CPEB1: variants seen among roughly 807,000 people sequenced by gnomAD.
CPEB1 encodes cytoplasmic polyadenylation element-binding protein 1.
A neutral mutation model predicts 65.8 loss-of-function variants in CPEB1; 7 were observed. The ratio of observed to expected loss-of-function variants is 0.11; its 90% CI spans 0.06 to 0.20. The LOEUF (loss-of-function observed/expected upper bound fraction) is 0.20, where lower values mean the gene tolerates loss of function less well. CPEB1 is among the 10% of genes least tolerant of loss of function. The pLI, the probability that CPEB1 is intolerant of heterozygous loss-of-function variation, is 1.00. For synonymous variants in CPEB1, 262 were observed against 260.0 expected, an observed-to-expected ratio of 1.01 and a Z score of -0.08; for missense variants, 551 against 712.2, an observed-to-expected ratio of 0.77 and a Z score of 2.58.
intron 4 of CPEB1, 123 bp from the exon 5 acceptor site, chr15:82,558,109 C>G: frequency 1.5e-6 from 1 of 654,582 alleles, no homozygotes; most frequent in Non-Finnish European, 2.6e-6. Context: ...AGCATGCCAG[C>G]AAAACACAAT....
intron 3 of CPEB1, among the ~76,000 whole-genome samples, chr15:82,622,556 T>C (rs2151299032): frequency 6.6e-6 from 1 of 152,146 alleles, no homozygotes; most frequent in African/African-American, 2.4e-5. Flanking sequence ...CATGCCCGGT[T>C]AATTTTTCTA....
chr15:82,561,637 C>T (rs1434896165), intron 4 of CPEB1, among the ~76,000 whole-genome samples: 2 of 152,082 alleles, frequency 1.3e-5, no homozygotes, highest in African/African-American at 4.8e-5. Flanking sequence ...CACTACAGAC[C>T]CCTTTCCTCA....
In CPEB1 at chr15:82,592,971, T is replaced by C. The variant is rs187587299; in HGVS notation, c.272-21439A>G. Among the ~76,000 whole-genome samples the C allele has an allele frequency of 4.3e-3, 662 of 152,312 alleles. 3 individuals carry two copies. The highest frequency in any genetic ancestry group is 6.2e-3 in the Non-Finnish European group (422 of 68,026). ...AAGATTGCGCTGCTACACTCCATCC[T>C]GGACAACAGAGCGATACTCCGTCTC... On this transcript the variant is annotated intron_variant, in intron 3 of 12. Coordinates refer to ENST00000684509, the MANE Select transcript of CPEB1 (RefSeq NM_001365242.1).
chr15:82,631,524 T>G (rs2046244455), intron 1 of CPEB1, among the ~76,000 whole-genome samples: 1 of 152,222 alleles, frequency 6.6e-6, no homozygotes, highest in Non-Finnish European at 1.5e-5. Flanking sequence ...TAAGGCTTTT[T>G]GTGAATTAAT....
chr15:82,613,348 C>T (rs1567222168), intron 3 of CPEB1, among the ~76,000 whole-genome samples: 1 of 151,956 alleles, frequency 6.6e-6, no homozygotes, highest in Non-Finnish European at 1.5e-5. Flanking sequence ...AATTTAATAA[C>T]ATTCATGATT....
rs116582685 is a variant in CPEB1 at position 82,599,929 on chromosome 15, A to C, written c.271+27264T>G. Among the ~76,000 whole-genome samples, 355 of 152,328 alleles carry C rather than the reference A, an allele frequency of 2.3e-3. 3 individuals are homozygous for C. Among genetic ancestry groups the C allele is most frequent in the African/African-American group, 8.2e-3 (339 of 41,582 alleles). On this transcript the variant is annotated intron_variant, in intron 3 of 12. Coordinates refer to ENST00000684509, the MANE Select transcript of CPEB1 (RefSeq NM_001365242.1). Reference sequence around the variant, plus strand: ...ATAAGGGAGACACAAAAAAGTAGAAAATATCAAAGACACAAAAGATAGAAT... The same window carrying C: ...ATAAGGGAGACACAAAAAAGTAGAACATATCAAAGACACAAAAGATAGAAT...
At chr15:82,639,351 T>A (rs1459543949) in intron 1 of CPEB1, among the ~76,000 whole-genome samples, 3 of 152,188 alleles carry the variant, frequency 2.0e-5, no homozygotes, top group Non-Finnish European at 4.4e-5. Context: ...TCCAACACTC[T>A]ATAAGGTTCC....
rs974130874 is a variant in CPEB1, at chr15:82,553,177, G to A, written c.1144+290C>T. ...GCTTTTCAAACGCCTTATTTTGAGA[G>A]GAAAGGTGCTGCTTGGGTTCAGGTT... On this transcript the variant is annotated intron_variant, in intron 8 of 12. Transcript: ENST00000684509. Among the ~76,000 whole-genome samples, 3 of 152,320 alleles carry A rather than the reference G, an allele frequency of 2.0e-5. No homozygotes were observed. In the South Asian group the frequency reaches 6.2e-4, roughly 32 times the overall value.
At chr15:82,572,560 C>A (rs1372542841) in intron 3 of CPEB1, among the ~76,000 whole-genome samples, 1 of 152,148 alleles carries the variant, frequency 6.6e-6, no homozygotes, top group Non-Finnish European at 1.5e-5. Context: ...CGGCTCAGCT[C>A]CTCCCCTCCC....
intron 3 of CPEB1, among the ~76,000 whole-genome samples, chr15:82,582,915 G>C (rs79345284): frequency 1.3e-5 from 2 of 151,618 alleles, no homozygotes; most frequent in East Asian, 3.9e-4. Flanking sequence ...CTAATTTTTT[G>C]TATTTTTAGT....
At chr15:82,546,146 C>T (rs1046395908) in intron 12 of CPEB1, among the ~76,000 whole-genome samples, 8 of 152,192 alleles carry the variant, frequency 5.3e-5, no homozygotes, top group Non-Finnish European at 1.0e-4. Flanking sequence ...GAGTCTCGCT[C>T]TGTCCCAGGC....
intron 3 of CPEB1, among the ~76,000 whole-genome samples, chr15:82,573,395 G>A (rs976992459): frequency 5.5e-5 from 3 of 54,864 alleles, no homozygotes; most frequent in Admixed American, 1.7e-4. Context: ...CCCTACCCCT[G>A]ACTACTCCCC....
chr15:82,556,094 G>C lies in CPEB1; in HGVS notation c.716C>G (p.Pro239Arg). 6.2e-7 allele frequency: 1 copy of C among 1,608,512 alleles called. No individual in the cohort carries two copies. Among genetic ancestry groups the C allele is most frequent in the Non-Finnish European group, 8.5e-7 (1 of 1,177,866 alleles). The change falls in exon 6 of 13, where the codon CCC becomes CGC. Residue 239 changes from proline (P) to arginine (R), a missense_variant. Physicochemically the swap from Pro to Arg is moderately radical, Grantham distance 103. Transcript: ENST00000684509. ...ACCACCCCCTGACAGAGACAGGAAG[G>C]GCAGAGGTGGAGAAATGCGAAGGCT... is the stretch of plus-strand genomic sequence containing the variant. ...ISSLRISPPL[P>R]FLSLSGGGPR...
intron 3 of CPEB1, among the ~76,000 whole-genome samples, chr15:82,588,390 A>G (rs1296753714): frequency 6.6e-6 from 1 of 152,228 alleles, no homozygotes; most frequent in Admixed American, 6.5e-5. Flanking sequence ...ATTTTTATGT[A>G]TACAAGCATG....
intron 4 of CPEB1, among the ~76,000 whole-genome samples, chr15:82,561,981 CTG>C (rs1193385119): frequency 1.3e-5 from 2 of 152,202 alleles, no homozygotes; most frequent in Non-Finnish European, 2.9e-5. Flanking sequence ...ATGTCAAACA[CTG>C]TGTTAGAAGC....
intron 3 of CPEB1, among the ~76,000 whole-genome samples, chr15:82,594,443 C>T (rs985488764): frequency 1.3e-5 from 2 of 152,182 alleles, no homozygotes; most frequent in African/African-American, 4.8e-5. Context: ...TGTGCAGCTT[C>T]CTCACCTCTC....
chr15:82,560,062 T>C (rs28493687), intron 4 of CPEB1, among the ~76,000 whole-genome samples: 66,198 of 151,930 alleles, frequency 0.44, 14,912 homozygotes, highest in African/African-American at 0.54. Flanking sequence ...CCAGCCTGGG[T>C]GATAGAGCAA....
intron 3 of CPEB1, among the ~76,000 whole-genome samples, chr15:82,621,508 C>T (rs2045299847): frequency 6.6e-6 from 1 of 151,942 alleles, no homozygotes; most frequent in Non-Finnish European, 1.5e-5. Flanking sequence ...GTAATACCAG[C>T]TACTCAGGAG....
At chr15:82,641,922 G>A (rs1356051637) in intron 1 of CPEB1, among the ~76,000 whole-genome samples, 1 of 152,124 alleles carries the variant, frequency 6.6e-6, no homozygotes, top group African/African-American at 2.4e-5. Flanking sequence ...GCTTTAAAAT[G>A]ACACCTAATA....
Sources: allele counts gnomAD v4.1 joint callset (sites outside exome capture counted in the v4.1 genomes callset), GRCh38; gene constraint gnomAD v4.1.1; transcripts MANE v1.5; gene names NCBI Gene and HGNC (gene_info 2026-07-23, HGNC 2026-07-21).